The following PRPF6 variants were observed in gnomAD, a reference collection of about 807,000 sequenced individuals.
PRPF6 encodes pre-mRNA processing factor 6.
In PRPF6, 42 loss-of-function variants were observed where a neutral mutation model predicts 118.3. That is an observed-to-expected ratio of 0.35 (90% CI 0.28 to 0.46). The LOEUF (loss-of-function observed/expected upper bound fraction) is 0.46, where lower values mean the gene tolerates loss of function less well. PRPF6 is among the 20% of genes least tolerant of loss of function. PRPF6 has a pLI of 1.00. For synonymous variants in PRPF6, 481 were observed against 485.1 expected (o/e 0.99, Z 0.11); for missense variants, 662 against 1,255.7 (o/e 0.53, Z 7.15).
chr20:64,021,169 C>G (rs540445711), intron 12 of PRPF6, among the ~76,000 whole-genome samples: 2 of 152,338 alleles, frequency 1.3e-5, no homozygotes, highest in African/African-American at 4.8e-5. Context: ...GTACATATGC[C>G]TGGGCCACAG....
Position 64,011,193 on chromosome 20 carries a change from G to C in PRPF6, c.1306-92G>C, listed in dbSNP as rs1157101969. On this transcript the variant is annotated intron_variant, in intron 10 of 20. Coordinates refer to ENST00000266079, the MANE Select transcript of PRPF6 (RefSeq NM_012469.4). This position sits in a 1 kb window ranked among gnomAD's most constrained non-coding sequence, Gnocchi z 6.7. Reference sequence around the variant, plus strand: ...TTCTCGAGAGCTAAGAAAGAACGTGGTGGCCAACGCTGGAGGGTGGGTCGC... The same window carrying C: ...TTCTCGAGAGCTAAGAAAGAACGTGCTGGCCAACGCTGGAGGGTGGGTCGC... 8.7e-7 allele frequency: 1 copy of C among 1,153,904 alleles called. No homozygotes were observed. Among genetic ancestry groups the C allele is most frequent in the African/African-American group, 1.5e-5 (1 of 65,626 alleles). 71.5% of individuals were successfully genotyped at this position (1,153,904 alleles called of 1,614,324 possible). A position where few individuals can be genotyped will look rare whatever the true frequency, so the allele number is the denominator to read the frequency against.
intron 6 of PRPF6, among the ~76,000 whole-genome samples, chr20:63,995,742 C>T (rs1447588380): frequency 1.3e-5 from 2 of 151,786 alleles, no homozygotes; most frequent in East Asian, 3.9e-4. Context: ...CTGCAACCTC[C>T]ACCTCCTGGG....
chr20:64,010,538 A>C (rs780370893), intron 10 of PRPF6, among the ~76,000 whole-genome samples: 3 of 152,244 alleles, frequency 2.0e-5, no homozygotes, highest in Non-Finnish European at 2.9e-5. Context: ...ATGGACGTGC[A>C]GGGAGAATCT....
At chr20:64,000,941 G>C in intron 8 of PRPF6, 136 bp from the exon 9 acceptor site, 1 of 844,802 alleles carries the variant, frequency 1.2e-6, no homozygotes, top group Non-Finnish European at 1.9e-6. Context: ...TCCTGGTGCA[G>C]GTGTGTTAGA....
intron 11 of PRPF6, among the ~76,000 whole-genome samples, chr20:64,016,415 C>T (rs1247045707): frequency 6.6e-6 from 1 of 152,184 alleles, no homozygotes; most frequent in Non-Finnish European, 1.5e-5. Context: ...TGAGCCCCCA[C>T]ACCTGGCTGA....
chr20:64,006,155 G>A lies in PRPF6; in HGVS notation c.1187-4045G>A, dbSNP rs371116354. 2.1e-3 allele frequency among the ~76,000 whole-genome samples: 322 copies of A among 152,136 alleles called. 12 individuals carry two copies. The South Asian group carries it at 0.057, about 27-fold the overall frequency. On this transcript the variant is annotated intron_variant, in intron 9 of 20. Transcript: ENST00000266079. ...AAATACTAAACTGTTTTTAGGACTGGCCTCTAGATAGTCTCCCACAGTGGG... is the reference window on the plus strand; with the variant it reads ...AAATACTAAACTGTTTTTAGGACTGACCTCTAGATAGTCTCCCACAGTGGG...
chr20:64,013,006 G>C (rs191481910), intron 11 of PRPF6, among the ~76,000 whole-genome samples: 1 of 146,532 alleles, frequency 6.8e-6, no homozygotes, highest in Admixed American at 7.0e-5. Context: ...ACCCAGGCTA[G>C]AGGGCTAGAG....
intron 12 of PRPF6, among the ~76,000 whole-genome samples, chr20:64,021,858 T>G (rs1301571845): frequency 1.3e-5 from 2 of 149,486 alleles, no homozygotes; most frequent in African/African-American, 2.5e-5. Flanking sequence ...TGCGTGCATG[T>G]ATGCATGTGC....
chr20:63,990,856 A>T (rs747893269), intron 3 of PRPF6, among the ~76,000 whole-genome samples: 4 of 151,692 alleles, frequency 2.6e-5, no homozygotes, highest in African/African-American at 7.3e-5. Flanking sequence ...GGTTTCACCA[A>T]TGTTAGCCAG....
intron 9 of PRPF6, among the ~76,000 whole-genome samples, chr20:64,004,878 G>T (rs924103990): frequency 6.6e-6 from 1 of 152,138 alleles, no homozygotes; most frequent in East Asian, 1.9e-4. Context: ...TTACACTAAC[G>T]CCATATGCTC....
At chr20:64,025,150 T>C (rs1222567975) in intron 14 of PRPF6, among the ~76,000 whole-genome samples, 7 of 152,220 alleles carry the variant, frequency 4.6e-5, no homozygotes, top group Admixed American at 3.3e-4. Flanking sequence ...AAAAGTCTGT[T>C]ACTGTAGCTC....
chr20:63,981,157 C>G lies in PRPF6; in HGVS notation c.-89C>G, dbSNP rs886056957. 2.4e-5 allele frequency: 33 copies of G among 1,353,734 alleles called. No homozygotes were observed. The African/African-American group carries it at 4.6e-4, about 19-fold the overall frequency. 83.9% of individuals were successfully genotyped at this position (1,353,734 alleles called of 1,614,324 possible). On this transcript the variant is annotated 5_prime_UTR_variant, in exon 1 of 21. Transcript: ENST00000266079. The stretch of plus-strand genomic sequence containing the variant: ...GACGGCGACACTTTGCTACGGAGTG[C>G]ATCGGACGTCGAAGCCTAGAGTCTC...
chr20:63,994,495 T>G (rs2059132907), intron 4 of PRPF6, among the ~76,000 whole-genome samples: 1 of 152,194 alleles, frequency 6.6e-6, no homozygotes, highest in African/African-American at 2.4e-5. Context: ...AAACTATTTT[T>G]GGGGCTGGGT....
At chr20:63,989,760 A>G (rs899148867) in intron 3 of PRPF6, among the ~76,000 whole-genome samples, 3 of 151,324 alleles carry the variant, frequency 2.0e-5, no homozygotes, top group Non-Finnish European at 4.4e-5. Context: ...TGCTCCATCC[A>G]CCTCGGCCTC....
At chr20:63,998,675 A>G (rs1389005461) in intron 6 of PRPF6, among the ~76,000 whole-genome samples, 1 of 151,398 alleles carries the variant, frequency 6.6e-6, no homozygotes, top group Non-Finnish European at 1.5e-5. Flanking sequence ...CCCCGTCTCT[A>G]CTAAAAATAC....
In PRPF6 at chr20:64,029,442, G is replaced by A; in HGVS notation, c.2497G>A (p.Ala833Thr). 1 of 1,614,208 alleles carries A rather than the reference G, an allele frequency of 6.2e-7. No individual in the cohort carries two copies. Among genetic ancestry groups the A allele is most frequent in the Non-Finnish European group, 8.5e-7 (1 of 1,180,048 alleles). ...CCAGAGGAGGACCAAGAGCGTGGATGCCCTGAAGAAGTGTGAGCATGACCC... is the reference window on the plus strand; with the variant it reads ...CCAGAGGAGGACCAAGAGCGTGGATACCCTGAAGAAGTGTGAGCATGACCC... Reference protein sequence around the residue: ...RPQRRTKSVDALKKCEHDPHV... With the variant: ...RPQRRTKSVDTLKKCEHDPHV... Residue 833 changes from alanine to threonine, a missense_variant, in exon 19 of 21, where the codon GCC becomes ACC. Physicochemically the swap from Ala to Thr is moderately conservative, Grantham distance 58. Around this residue, in one of 10 missense-constraint regions of PRPF6, gnomAD observed 244 missense variants for 383.7 expected, o/e 0.64. Coordinates refer to ENST00000266079, the MANE Select transcript of PRPF6 (RefSeq NM_012469.4). The surrounding 1 kb of genome is among the most constrained non-coding windows in gnomAD (Gnocchi z 4.8).
intron 10 of PRPF6, 46 bp downstream of exon 10, chr20:64,010,364 G>A (rs746415293): frequency 2.1e-6 from 3 of 1,462,682 alleles, no homozygotes; most frequent in Middle Eastern, 1.8e-4. Flanking sequence ...AGTGGCCAAG[G>A]CCTGAGCCCA....
intron 6 of PRPF6, among the ~76,000 whole-genome samples, chr20:63,998,340 A>C (rs1000905132): frequency 2.0e-5 from 3 of 148,988 alleles, no homozygotes. Context: ...TGATCCACCC[A>C]CCTTGGCCTC....
intron 9 of PRPF6, among the ~76,000 whole-genome samples, chr20:64,009,686 T>A (rs920041644): frequency 5.3e-5 from 8 of 152,116 alleles, no homozygotes; most frequent in African/African-American, 1.9e-4. Context: ...CGTGCCATTG[T>A]ACTCCAGCCT....
Sources: allele counts gnomAD v4.1 joint callset (sites outside exome capture counted in the v4.1 genomes callset), GRCh38; gene constraint gnomAD v4.1.1; regional missense constraint gnomAD v4.1.1; non-coding constraint Gnocchi (gnomAD v3.1); transcripts MANE v1.5; gene names NCBI Gene and HGNC (gene_info 2026-07-23, HGNC 2026-07-21).